CRACDL: variants seen among roughly 807,000 people sequenced by gnomAD.
CRACDL encodes CRACD like.
A neutral mutation model predicts 70.6 loss-of-function variants in CRACDL; 26 were observed. The ratio of observed to expected loss-of-function variants is 0.37; its 90% CI spans 0.27 to 0.51. The LOEUF (loss-of-function observed/expected upper bound fraction) is 0.51, where lower values mean the gene tolerates loss of function less well. CRACDL is among the 20% of genes least tolerant of loss of function. The probability of loss-of-function intolerance (pLI) is 0.94; values close to 1 mark genes in which losing one functional copy is unlikely to be tolerated. For synonymous variants in CRACDL, 618 were observed against 615.2 expected (o/e 1.00, Z -0.07); for missense variants, 1,283 against 1,376.9 (o/e 0.93, Z 1.08).
At chr2:98,915,095 A>C (rs779463356) in intron 1 of CRACDL, among the ~76,000 whole-genome samples, 1 of 152,224 alleles carries the variant, frequency 6.6e-6, no homozygotes, top group African/African-American at 2.4e-5. Context: ...TGCTCAAAGT[A>C]GAGAAATAAT....
At position 98,795,077 on chromosome 2, in the gene CRACDL, A is replaced by ATATATTTTTTTTTT; in HGVS notation, c.2750-407_2750-406insAAAAAAAAAATATA. Reference sequence around the variant, plus strand: ...TATATATATATATATATATATATATATTTTTTTTTTTTTTTGAGACAGAAG... The same window carrying ATATATTTTTTTTTT: ...TATATATATATATATATATATATATATATATTTTTTTTTTTTTTTTTTTTTTTTTGAGACAGAAG... On this transcript the variant is annotated intron_variant, in intron 9 of 9. Coordinates refer to ENST00000397899, the MANE Select transcript of CRACDL (RefSeq NM_207362.3). Among the ~76,000 whole-genome samples the ATATATTTTTTTTTT allele has an allele frequency of 3.7e-3, 214 of 58,366 alleles. 3 individuals carry two copies. The highest frequency in any genetic ancestry group is 5.3e-3 in the Non-Finnish European group (168 of 31,974). The allele number at this position is 58,366 out of a possible 152,430, so 38.3% of individuals were successfully genotyped here. A position where few individuals can be genotyped will look rare whatever the true frequency, so the allele number is the denominator to read the frequency against.
intron 8 of CRACDL, among the ~76,000 whole-genome samples, chr2:98,796,969 T>A (rs950096314): frequency 6.6e-6 from 1 of 152,226 alleles, no homozygotes; most frequent in Non-Finnish European, 1.5e-5. Context: ...TAAGCTGGGA[T>A]GGAGCTGTCG....
At chr2:98,849,874 A>G (rs12992214) in intron 1 of CRACDL, among the ~76,000 whole-genome samples, 11,216 of 152,110 alleles carry the variant, frequency 0.074, 469 homozygotes, top group East Asian at 0.11. Flanking sequence ...CCGGGGTGGC[A>G]TCTTCACCCT....
chr2:98,797,688 T>G, intron 7 of CRACDL, 151 bp from the exon 8 acceptor site: 1 of 667,462 alleles, frequency 1.5e-6, no homozygotes. Context: ...TTTGTTTTCT[T>G]ATTAAAGATG....
intron 1 of CRACDL, among the ~76,000 whole-genome samples, chr2:98,861,266 G>A (rs1333211769): frequency 6.6e-6 from 1 of 152,164 alleles, no homozygotes; most frequent in Non-Finnish European, 1.5e-5. Context: ...AGAATCGCTT[G>A]AACCTGGGAG....
In CRACDL at chr2:98,812,041, T is replaced by C. The variant is rs752927285; in HGVS notation, c.2416+9816A>G. 1.6e-4 allele frequency among the ~76,000 whole-genome samples: 25 copies of C among 152,232 alleles called. 2 individuals are homozygous for C. The highest frequency in any genetic ancestry group is 5.3e-4 in the African/African-American group (22 of 41,456). Reference sequence around the variant, plus strand: ...CCAGGCTGGAGTTGCAGTGGCACAATCTCTGCTCACTGCAACCTCCACCTC... The same window carrying C: ...CCAGGCTGGAGTTGCAGTGGCACAACCTCTGCTCACTGCAACCTCCACCTC... On this transcript the variant is annotated intron_variant, in intron 7 of 9. Coordinates refer to ENST00000397899, the MANE Select transcript of CRACDL (RefSeq NM_207362.3).
chr2:98,808,780 G>A (rs1437927298), intron 7 of CRACDL, among the ~76,000 whole-genome samples: 2 of 152,218 alleles, frequency 1.3e-5, no homozygotes, highest in Non-Finnish European at 2.9e-5. Flanking sequence ...GAGCCCTGGG[G>A]TGAGTGCACA....
intron 2 of CRACDL, among the ~76,000 whole-genome samples, chr2:98,843,778 T>C (rs1024276938): frequency 1.3e-5 from 2 of 152,236 alleles, no homozygotes; most frequent in Non-Finnish European, 2.9e-5. Context: ...ATAGTAAGTC[T>C]TAAAAACAGG....
In CRACDL at chr2:98,832,976, G is replaced by T; in HGVS notation, c.261C>A (p.Gly87=). The T allele has an allele frequency of 6.2e-7, 1 of 1,613,410 alleles. No individual in the cohort carries two copies. Among genetic ancestry groups the T allele is most frequent in the Non-Finnish European group, 8.5e-7 (1 of 1,179,630 alleles). The stretch of plus-strand genomic sequence containing the variant: ...TACTGTCGTGAGAAAGGGCCCGGCT[G>T]CCCAGCGTGCCCCTCGACTCCCTAG... ...DELEESRGTL[G]SRALSHDSIF... Residue 87 remains glycine (G), a synonymous_variant, in exon 4 of 10, where the codon GGC becomes GGA. Coordinates refer to ENST00000397899, the MANE Select transcript of CRACDL (RefSeq NM_207362.3).
At chr2:98,876,159 T>C (rs1019967631) in intron 1 of CRACDL, among the ~76,000 whole-genome samples, 3 of 152,198 alleles carry the variant, frequency 2.0e-5, no homozygotes, top group Non-Finnish European at 4.4e-5. Flanking sequence ...TGAGAACAAA[T>C]AGTATGTCTG....
chr2:98,925,371 A>T lies in CRACDL; in HGVS notation c.-11+10567T>A, dbSNP rs192516528. Among the ~76,000 whole-genome samples, 28 of 152,312 alleles carry T rather than the reference A, an allele frequency of 1.8e-4. 2 individuals are homozygous for T. The East Asian group carries it at 5.4e-3, about 29-fold the overall frequency. On this transcript the variant is annotated intron_variant, in intron 1 of 9. Coordinates refer to ENST00000397899, the MANE Select transcript of CRACDL (RefSeq NM_207362.3). ...ACTGTTTCCAAGTTCTCGGCTTGAG[A>T]CAGGTTAAAAACAAGGTGACAAGGA...
chr2:98,841,445 T>C (rs1405367014), intron 2 of CRACDL, among the ~76,000 whole-genome samples: 1 of 152,184 alleles, frequency 6.6e-6, no homozygotes, highest in East Asian at 1.9e-4. Context: ...TGATTACAGG[T>C]CAATACAAGG....
intron 1 of CRACDL, among the ~76,000 whole-genome samples, chr2:98,909,692 G>T (rs761111340): frequency 1.3e-5 from 2 of 152,176 alleles, no homozygotes; most frequent in African/African-American, 4.8e-5. Flanking sequence ...TCCAGGGAAC[G>T]GGCCTGGCAC....
chr2:98,814,458 A>G (rs1704702460), intron 7 of CRACDL, among the ~76,000 whole-genome samples: 2 of 152,092 alleles, frequency 1.3e-5, no homozygotes, highest in African/African-American at 4.8e-5. Flanking sequence ...GATCTTTTTC[A>G]TATTTCTTTC....
At chr2:98,847,704 C>T (rs1706318051) in intron 1 of CRACDL, among the ~76,000 whole-genome samples, 1 of 152,234 alleles carries the variant, frequency 6.6e-6, no homozygotes, top group African/African-American at 2.4e-5. Flanking sequence ...ACAGTATGCT[C>T]TACCTCCATA....
intron 1 of CRACDL, among the ~76,000 whole-genome samples, chr2:98,933,190 T>G (rs923068425): frequency 1.3e-5 from 2 of 151,950 alleles, no homozygotes; most frequent in Non-Finnish European, 2.9e-5. Context: ...TGGACAATGA[T>G]GGAAATGTGA....
chr2:98,818,511 G>C (rs1248732865), intron 7 of CRACDL, among the ~76,000 whole-genome samples: 1 of 152,198 alleles, frequency 6.6e-6, no homozygotes, highest in Non-Finnish European at 1.5e-5. Context: ...ATGCCCTGGA[G>C]GGAGGACGGG....
chr2:98,838,927 T>C (rs2104517390), intron 2 of CRACDL, among the ~76,000 whole-genome samples: 1 of 152,316 alleles, frequency 6.6e-6, no homozygotes, highest in Non-Finnish European at 1.5e-5. Flanking sequence ...CATTTTGTGA[T>C]TGCTCCTCTG....
intron 1 of CRACDL, among the ~76,000 whole-genome samples, chr2:98,915,660 G>C (rs1405574925): frequency 6.6e-6 from 1 of 152,150 alleles, no homozygotes; most frequent in African/African-American, 2.4e-5. Context: ...AGAGAGGGTG[G>C]GCTGCCTGCT....
Sources: allele counts gnomAD v4.1 joint callset (sites outside exome capture counted in the v4.1 genomes callset), GRCh38; gene constraint gnomAD v4.1.1; transcripts MANE v1.5; gene names NCBI Gene and HGNC (gene_info 2026-07-23, HGNC 2026-07-21).